NGLY1: variants seen among roughly 807,000 people sequenced by gnomAD.
The protein encoded by NGLY1 is N-glycanase 1, also known as peptide-N(4)-(N-acetyl-beta-glucosaminyl)asparagine amidase.
NGLY1 carries 68 observed loss-of-function variants against 84.6 expected under a neutral mutation model. That is an observed-to-expected ratio of 0.80 (90% CI 0.66 to 0.98). NGLY1 has a LOEUF of 0.98. Ranked by LOEUF, NGLY1 falls within the 50% of genes least tolerant of loss-of-function variation. NGLY1 has a pLI of 0.00. For synonymous variants in NGLY1, 280 were observed against 275.2 expected (o/e 1.02, Z -0.17); for missense variants, 779 against 770.2 (o/e 1.01, Z -0.14).
At chr3:25,761,972 TA>T (rs1230955521) in intron 3 of NGLY1, among the ~76,000 whole-genome samples, 8 of 152,180 alleles carry the variant, frequency 5.3e-5, no homozygotes, top group Non-Finnish European at 8.8e-5. Flanking sequence ...ATAATTCTAT[TA>T]ACATAAAATG....
At position 25,783,232 on chromosome 3, in the gene NGLY1, C is replaced by A; in HGVS notation, c.131+28G>T. On this transcript the variant is annotated intron_variant, in intron 1 of 11. Transcript: ENST00000280700. The surrounding 1 kb of genome is among the most constrained non-coding windows in gnomAD (Gnocchi z 4.5). ...GTGCCGCGGCCCACCCACCCCGGTA[C>A]CCGCCGTCCGACCCCGTTGCCCTGC... 42 of 1,500,680 alleles carry A rather than the reference C, an allele frequency of 2.8e-5. No individual in the cohort carries two copies. The highest frequency in any genetic ancestry group is 3.7e-5 in the Non-Finnish European group (40 of 1,082,360). The allele number at this position is 1,500,680 out of a possible 1,614,324, so 93.0% of individuals were successfully genotyped here. A position where few individuals can be genotyped will look rare whatever the true frequency, so the allele number is the denominator to read the frequency against.
chr3:25,752,233 A>T (rs58930905), intron 3 of NGLY1, among the ~76,000 whole-genome samples: 8,755 of 152,046 alleles, frequency 0.058, 424 homozygotes, highest in East Asian at 0.24. Context: ...TATTATTATT[A>T]TTTTTTTGAG....
intron 4 of NGLY1, among the ~76,000 whole-genome samples, chr3:25,745,374 T>C (rs1238900701): frequency 6.6e-6 from 1 of 152,222 alleles, no homozygotes; most frequent in Non-Finnish European, 1.5e-5. Context: ...TTTACCTGCA[T>C]GGCTTTACCT....
At chr3:25,785,135 C>CAAAAAAAAA (rs1159268520), upstream of NGLY1, among the ~76,000 whole-genome samples, 1 of 76,984 alleles carries the variant, frequency 1.3e-5, no homozygotes, top group Non-Finnish European at 2.6e-5. Context: ...CCTGCTTGGA[C>CAAAAAAAAA]AAAAAAAAAA....
At chr3:25,735,889 G>A (rs771239895) in intron 7 of NGLY1, 115 bp downstream of exon 7, 5 of 932,900 alleles carry the variant, frequency 5.4e-6, no homozygotes, top group Non-Finnish European at 7.8e-6. Flanking sequence ...TTATCAAACT[G>A]TACAATTTAA....
rs4681074 is a variant in NGLY1, at chr3:25,778,912, T to G, written c.132-224A>C. Among the ~76,000 whole-genome samples, 86,584 of 133,924 alleles carry G rather than the reference T, an allele frequency of 0.65. 34,042 individuals carry two copies. The highest frequency in any genetic ancestry group is 0.94 in the East Asian group (4,241 of 4,494). 87.9% of individuals were successfully genotyped at this position (133,924 alleles called of 152,430 possible). On this transcript the variant is annotated intron_variant, in intron 1 of 11. Coordinates refer to ENST00000280700, the MANE Select transcript of NGLY1 (RefSeq NM_018297.4). ...TGAGATGGGGGGGGTCTCGCTTCAG[T>G]TTAAGATACATTCTTTTTTTTTTTT...
At chr3:25,779,617 G>T (rs1708318826) in intron 1 of NGLY1, among the ~76,000 whole-genome samples, 1 of 152,254 alleles carries the variant, frequency 6.6e-6, no homozygotes, top group African/African-American at 2.4e-5. Flanking sequence ...GGTATGATAT[G>T]GTGAGTAGGC....
In NGLY1 at chr3:25,727,378, C is replaced by T. The variant is rs559663683; in HGVS notation, c.1611+1755G>A. Among the ~76,000 whole-genome samples the T allele has an allele frequency of 2.6e-5, 4 of 152,206 alleles. No homozygotes were observed. In the South Asian group the frequency reaches 8.3e-4, roughly 32 times the overall value. On this transcript the variant is annotated intron_variant, in intron 10 of 11. Coordinates refer to ENST00000280700, the MANE Select transcript of NGLY1 (RefSeq NM_018297.4). ...TTTAAATCTTTCTCACACTATAGCC[C>T]CTCTCTGGCTAAAATGTTCTATTTG...
At chr3:25,747,139 T>G (rs1575630208) in intron 4 of NGLY1, among the ~76,000 whole-genome samples, 1 of 152,230 alleles carries the variant, frequency 6.6e-6, no homozygotes, top group African/African-American at 2.4e-5. Flanking sequence ...ATATTTGAAT[T>G]CTCATCTTCT....
At chr3:25,745,124 T>C (rs947073331) in intron 4 of NGLY1, among the ~76,000 whole-genome samples, 3 of 152,200 alleles carry the variant, frequency 2.0e-5, no homozygotes, top group Admixed American at 1.3e-4. Context: ...TTCTAAAATA[T>C]CGCCATCCAA....
intron 3 of NGLY1, chr3:25,755,259 C>T (rs567879060): frequency 1.1e-5 from 15 of 1,378,624 alleles, no homozygotes; most frequent in South Asian, 1.0e-4. Context: ...TATGCAGGAC[C>T]TAGACTCCCA....
intron 10 of NGLY1, among the ~76,000 whole-genome samples, chr3:25,726,553 T>C (rs979349331): frequency 2.6e-5 from 4 of 151,880 alleles, no homozygotes; most frequent in African/African-American, 4.8e-5. Flanking sequence ...AAGAGAAGTA[T>C]AGGAGGTTCT....
Position 25,732,339 on chromosome 3 carries a change from G to C in NGLY1, c.1405C>G (p.Arg469Gly). ...ISGSVAWRVA[R>G]GEMGLQRKET... The stretch of plus-strand genomic sequence containing the variant: ...AATACCTGTAGACCCATTTCACCTC[G>C]GGCTACTCTCCAAGCCACTGACCCA... Residue 469 changes from arginine to glycine, a missense_variant, in exon 9 of 12, where the codon CGA becomes GGA. Transcript: ENST00000280700. 1 of 1,613,408 alleles carries C rather than the reference G, an allele frequency of 6.2e-7. No homozygotes were observed.
chr3:25,733,476 T>C (rs897277444), intron 8 of NGLY1, among the ~76,000 whole-genome samples: 171 of 126,644 alleles, frequency 1.4e-3, no homozygotes, highest in African/African-American at 4.5e-3. Flanking sequence ...CGTGTGTGTG[T>C]GTGTGTGTGT....
At chr3:25,739,877 A>G (rs1706042359) in intron 4 of NGLY1, 78 bp from the exon 5 acceptor site, 1 of 1,048,538 alleles carries the variant, frequency 9.5e-7, no homozygotes, top group Non-Finnish European at 1.4e-6. Context: ...ATTCTCAAAT[A>G]CGAACCTGAA....
intron 7 of NGLY1, 128 bp from the exon 8 acceptor site, chr3:25,734,110 A>T: frequency 7.6e-7 from 1 of 1,317,450 alleles, no homozygotes; most frequent in Non-Finnish European, 1.0e-6. Flanking sequence ...TCTGTTGTCC[A>T]GGCTAGAGTG....
chr3:25,768,129 A>T (rs1488902875), intron 2 of NGLY1, among the ~76,000 whole-genome samples: 1 of 150,670 alleles, frequency 6.6e-6, no homozygotes, highest in Non-Finnish European at 1.5e-5. Context: ...AAAAAAAAAA[A>T]AAAAAAAGAT....
At chr3:25,746,138 A>T (rs546823517) in intron 4 of NGLY1, among the ~76,000 whole-genome samples, 1 of 152,268 alleles carries the variant, frequency 6.6e-6, no homozygotes, top group African/African-American at 2.4e-5. Context: ...TGCTTTATAT[A>T]CACCCTACCC....
chr3:25,729,177 T>C lies in NGLY1; in HGVS notation c.1567A>G (p.Lys523Glu), dbSNP rs763560541. ...TISGWENGVW[K>E]MESIFRKVET... is the part of the protein sequence containing the mutation. ...ACTTTTCTGAATATAGATTCCATTTTCCACACGCCATTCTCCCATCCAGAA... is the reference window on the plus strand; with the variant it reads ...ACTTTTCTGAATATAGATTCCATTTCCCACACGCCATTCTCCCATCCAGAA... The change falls in exon 10 of 12, where the codon AAA (lysine) becomes GAA (glutamate). Residue 523 changes from lysine (K) to glutamate (E), a missense_variant. Coordinates refer to ENST00000280700, the MANE Select transcript of NGLY1 (RefSeq NM_018297.4). 13 of 1,547,416 alleles carry C rather than the reference T, an allele frequency of 8.4e-6. No homozygotes were observed. The highest frequency in any genetic ancestry group is 1.1e-5 in the Non-Finnish European group (13 of 1,142,788).
Sources: allele counts gnomAD v4.1 joint callset (sites outside exome capture counted in the v4.1 genomes callset), GRCh38; gene constraint gnomAD v4.1.1; non-coding constraint Gnocchi (gnomAD v3.1); transcripts MANE v1.5; gene names NCBI Gene and HGNC (gene_info 2026-07-23, HGNC 2026-07-21).